Variants in OPCML observed in about 807,000 individuals in gnomAD.
OPCML encodes the protein opioid-binding protein/cell adhesion molecule.
A neutral mutation model predicts 37.8 loss-of-function variants in OPCML; 13 were observed. The ratio of observed to expected loss-of-function variants is 0.34; its 90% CI spans 0.22 to 0.55. OPCML has a LOEUF of 0.55. Ranked by LOEUF, OPCML falls within the 20% of genes least tolerant of loss-of-function variation. The probability of loss-of-function intolerance (pLI) is 0.91; values close to 1 mark genes in which losing one functional copy is unlikely to be tolerated. For synonymous variants in OPCML, 176 were observed against 168.8 expected, an observed-to-expected ratio of 1.04 and a Z score of -0.33; for missense variants, 341 against 435.6, an observed-to-expected ratio of 0.78 and a Z score of 1.93.
chr11:132,924,891 A>AT (rs34469662), intron 2 of OPCML, among the ~76,000 whole-genome samples: 82,925 of 151,912 alleles, frequency 0.55, 24,507 homozygotes, highest in African/African-American at 0.77. Flanking sequence ...TGTTTCTGAT[A>AT]TCTCATTACA....
intron 1 of OPCML, among the ~76,000 whole-genome samples, chr11:133,076,051 C>T (rs954525464): frequency 4.6e-5 from 7 of 152,092 alleles, no homozygotes; most frequent in African/African-American, 9.7e-5. Context: ...TTTAGAAAGA[C>T]GCTGTATGTT....
At position 132,421,705 on chromosome 11, in the gene OPCML, A is replaced by G. The variant is rs78358821; in HGVS notation, c.917-1412T>C. On this transcript the variant is annotated intron_variant, in intron 7 of 7. Transcript: ENST00000524381. Reference sequence around the variant, plus strand: ...ATATTAGCCTGCATTTTTGTCAGAGAATATTCACAAAAAAGGGCGGAATCC... The same window carrying G: ...ATATTAGCCTGCATTTTTGTCAGAGGATATTCACAAAAAAGGGCGGAATCC... 4.3e-3 allele frequency among the ~76,000 whole-genome samples: 649 copies of G among 152,314 alleles called. 3 individuals carry two copies. The highest frequency in any genetic ancestry group is 0.015 in the African/African-American group (610 of 41,568).
chr11:132,832,756 A>T (rs956427021), intron 2 of OPCML, among the ~76,000 whole-genome samples: 1 of 152,196 alleles, frequency 6.6e-6, no homozygotes, highest in African/African-American at 2.4e-5. Flanking sequence ...ACTAAATGGC[A>T]TAGCCTACTG....
chr11:133,294,207 T>C (rs974929363), intron 1 of OPCML, among the ~76,000 whole-genome samples: 1 of 151,272 alleles, frequency 6.6e-6, no homozygotes, highest in African/African-American at 2.4e-5. Context: ...TGAAGCGGTG[T>C]TCTGCAGAGG....
chr11:133,178,295 T>C (rs1233177372), intron 1 of OPCML, among the ~76,000 whole-genome samples: 1 of 152,136 alleles, frequency 6.6e-6, no homozygotes, highest in African/African-American at 2.4e-5. Flanking sequence ...TACCACTGTG[T>C]GTGCGTTCCT....
At chr11:133,504,314 AAAG>A (rs1317297917) in intron 1 of OPCML, among the ~76,000 whole-genome samples, 2 of 152,348 alleles carry the variant, frequency 1.3e-5, no homozygotes, top group South Asian at 2.1e-4. Context: ...AGAGTTTTGA[AAAG>A]AAGAAGAATT....
chr11:132,633,589 G>A (rs1000218311), intron 3 of OPCML, among the ~76,000 whole-genome samples: 6 of 152,106 alleles, frequency 3.9e-5, no homozygotes, highest in Non-Finnish European at 8.8e-5. Flanking sequence ...GGCCTCTTAC[G>A]CTGCATGACA....
intron 4 of OPCML, among the ~76,000 whole-genome samples, chr11:132,444,101 ACGCCAGAC>A (rs2096046129): frequency 6.6e-6 from 1 of 152,166 alleles, no homozygotes; most frequent in Non-Finnish European, 1.5e-5. Context: ...GGTAAGGAGG[ACGCCAGAC>A]CCAGGTATCA....
intron 2 of OPCML, among the ~76,000 whole-genome samples, chr11:132,932,274 G>A (rs1027230878): frequency 3.9e-5 from 6 of 152,046 alleles, no homozygotes; most frequent in African/African-American, 4.8e-5. Flanking sequence ...TAATGCCACC[G>A]AACTGTATAT....
intron 2 of OPCML, among the ~76,000 whole-genome samples, chr11:132,780,309 G>C (rs1946961208): frequency 6.6e-6 from 1 of 152,188 alleles, no homozygotes; most frequent in African/African-American, 2.4e-5. Context: ...ATGAATGTGA[G>C]GGACCGTGAG....
At chr11:132,861,743 G>C (rs940709727) in intron 2 of OPCML, among the ~76,000 whole-genome samples, 2 of 151,958 alleles carry the variant, frequency 1.3e-5, no homozygotes, top group Non-Finnish European at 2.9e-5. Flanking sequence ...GCTGAGGCAG[G>C]GGAATCGCTT....
intron 1 of OPCML, among the ~76,000 whole-genome samples, chr11:132,964,081 G>A (rs1946158173): frequency 6.6e-6 from 1 of 152,158 alleles, no homozygotes; most frequent in Non-Finnish European, 1.5e-5. Flanking sequence ...GAACCCAGAG[G>A]GCAAGACACA....
chr11:132,975,457 T>C lies in OPCML; in HGVS notation c.62-32447A>G, dbSNP rs568299418. Among the ~76,000 whole-genome samples, 15 of 132,496 alleles carry C rather than the reference T, an allele frequency of 1.1e-4. 1 individual carries two copies. Among genetic ancestry groups the C allele is most frequent in the African/African-American group, 3.1e-4 (11 of 35,206 alleles). 86.9% of individuals were successfully genotyped at this position (132,496 alleles called of 152,430 possible). A position where few individuals can be genotyped will look rare whatever the true frequency, so the allele number is the denominator to read the frequency against. On this transcript the variant is annotated intron_variant, in intron 1 of 7. Transcript: ENST00000524381. Reference sequence around the variant, plus strand: ...AGTATATGGGTGCATAAACTCAGCATAAAAAATAACTTTTCAGATTCCCTT... The same window carrying C: ...AGTATATGGGTGCATAAACTCAGCACAAAAAATAACTTTTCAGATTCCCTT...
At chr11:133,430,933 C>T (rs182932043) in intron 1 of OPCML, among the ~76,000 whole-genome samples, 111 of 152,212 alleles carry the variant, frequency 7.3e-4, no homozygotes, top group African/African-American at 2.6e-3. Context: ...TAAAATCTTA[C>T]CAGAAAGCAG....
At chr11:132,522,094 A>G (rs745787519) in intron 4 of OPCML, among the ~76,000 whole-genome samples, 4 of 152,252 alleles carry the variant, frequency 2.6e-5, no homozygotes, top group Non-Finnish European at 5.9e-5. Context: ...CAACCTTTTG[A>G]GACCAACTCT....
At chr11:133,099,511 T>C (rs1949056189) in intron 1 of OPCML, among the ~76,000 whole-genome samples, 1 of 150,640 alleles carries the variant, frequency 6.6e-6, no homozygotes, top group Non-Finnish European at 1.5e-5. Context: ...ATGGTCTCGA[T>C]CTCCTGGCCT....
intron 2 of OPCML, among the ~76,000 whole-genome samples, chr11:132,853,137 C>G (rs1427413992): frequency 6.6e-6 from 1 of 151,982 alleles, no homozygotes; most frequent in East Asian, 1.9e-4. Flanking sequence ...GACATTTTTT[C>G]AAGAAGCATC....
intron 4 of OPCML, among the ~76,000 whole-genome samples, chr11:132,521,075 G>T (rs1298105634): frequency 1.3e-5 from 2 of 152,032 alleles, no homozygotes; most frequent in East Asian, 3.9e-4. Flanking sequence ...TTGCCATTCT[G>T]ACTGGCATGA....
At chr11:132,976,479 G>A (rs895277649) in intron 1 of OPCML, among the ~76,000 whole-genome samples, 3 of 152,148 alleles carry the variant, frequency 2.0e-5, no homozygotes, top group East Asian at 1.9e-4. Flanking sequence ...CCTGTGACTC[G>A]TGTTTATTTC....
Sources: allele counts gnomAD v4.1 joint callset (sites outside exome capture counted in the v4.1 genomes callset), GRCh38; gene constraint gnomAD v4.1.1; transcripts MANE v1.5; gene names NCBI Gene and HGNC (gene_info 2026-07-23, HGNC 2026-07-21).